The following RASGRF1 variants were observed in gnomAD, a reference collection of about 807,000 sequenced individuals.
The protein encoded by RASGRF1 is ras-specific guanine nucleotide-releasing factor 1.
A neutral mutation model predicts 138.7 loss-of-function variants in RASGRF1; 40 were observed. The ratio of observed to expected loss-of-function variants is 0.29; its 90% confidence interval spans 0.22 to 0.38. RASGRF1 has a LOEUF of 0.38. Among genes scored for constraint, RASGRF1 ranks in the 10% least tolerant of loss-of-function variants. The probability of loss-of-function intolerance (pLI) is 1.00; values close to 1 mark genes in which losing one functional copy is unlikely to be tolerated. For synonymous variants in RASGRF1, 614 were observed against 663.2 expected, an observed-to-expected ratio of 0.93 and a Z score of 1.14; for missense variants, 1,108 against 1,650.4, an observed-to-expected ratio of 0.67 and a Z score of 5.69.
intron 20 of RASGRF1, among the ~76,000 whole-genome samples, chr15:78,994,475 G>A (rs2056347621): frequency 6.6e-6 from 1 of 152,230 alleles, no homozygotes; most frequent in South Asian, 2.1e-4. Flanking sequence ...CCAGCAAGGG[G>A]CTGAGCCAGC....
chr15:79,000,987 G>T (rs773082055), intron 16 of RASGRF1, among the ~76,000 whole-genome samples: 69 of 152,182 alleles, frequency 4.5e-4, no homozygotes, highest in Non-Finnish European at 8.8e-4. Flanking sequence ...CCTGGGAGGT[G>T]GGTCCCCTGG....
chr15:79,012,319 A>G (rs1173044811), intron 13 of RASGRF1, among the ~76,000 whole-genome samples: 1 of 152,180 alleles, frequency 6.6e-6, no homozygotes, highest in Non-Finnish European at 1.5e-5. Context: ...GTCCCATTCC[A>G]TAAGAAACCA....
chr15:79,016,247 G>A (rs761927517), intron 12 of RASGRF1, among the ~76,000 whole-genome samples: 1 of 152,212 alleles, frequency 6.6e-6, no homozygotes, highest in Admixed American at 6.5e-5. Context: ...GGGTGTCAAA[G>A]TCATTGGGAA....
intron 17 of RASGRF1, among the ~76,000 whole-genome samples, chr15:78,999,305 C>T (rs560135049): frequency 5.3e-5 from 8 of 152,092 alleles, no homozygotes; most frequent in Non-Finnish European, 8.8e-5. Context: ...AGGGTCAGCA[C>T]TAGCAAAGGC....
At position 79,027,234 on chromosome 15, in the gene RASGRF1, G is replaced by C. The variant is rs2057071914; in HGVS notation, c.1381+507C>G. On this transcript the variant is annotated intron_variant, in intron 9 of 26. Coordinates refer to ENST00000558480, the MANE Select transcript of RASGRF1 (RefSeq NM_001145648.3). The surrounding 1 kb of genome is among the most constrained non-coding windows in gnomAD (Gnocchi z 4.8). ...CGTGCCTCTCAAACACTGCTCCCAA[G>C]GTAAGCGAGGCTGAAGCTTGGGAAA... Among the ~76,000 whole-genome samples, 1 of 152,136 alleles carries C rather than the reference G, an allele frequency of 6.6e-6. No homozygotes were observed. Among genetic ancestry groups the C allele is most frequent in the African/African-American group, 2.4e-5 (1 of 41,422 alleles).
chr15:78,999,149 G>GT (rs1302966668), intron 17 of RASGRF1, among the ~76,000 whole-genome samples: 2 of 152,160 alleles, frequency 1.3e-5, no homozygotes, highest in Non-Finnish European at 2.9e-5. Context: ...CCCTATTCCA[G>GT]TCTCTGCTGC....
chr15:79,025,311 T>G lies in RASGRF1; in HGVS notation c.1542+3A>C. 1 of 1,606,182 alleles carries G rather than the reference T, an allele frequency of 6.2e-7. No homozygotes were observed. The highest frequency in any genetic ancestry group is 8.5e-7 in the Non-Finnish European group (1 of 1,174,408). ...CCCCAAGCCCCTCTCCCGTAGCCCT[T>G]ACCTTGGTCAAGTGAAGCTTCCCTC... On this transcript the variant is annotated splice_donor_region_variant and intron_variant, in intron 10 of 26. Transcript: ENST00000558480.
Position 79,006,188 on chromosome 15 carries a change from G to A in RASGRF1, c.2073C>T (p.Ala691=), listed in dbSNP as rs2056670186. 1 of 1,614,172 alleles carries A rather than the reference G, an allele frequency of 6.2e-7. No homozygotes were observed. Among genetic ancestry groups the A allele is most frequent in the Admixed American group, 1.7e-5 (1 of 60,026 alleles). The change falls in exon 14 of 27, where the codon GCC becomes GCT. Residue 691 remains alanine (A), a splice_region_variant and synonymous_variant. Coordinates refer to ENST00000558480, the MANE Select transcript of RASGRF1 (RefSeq NM_001145648.3). The surrounding 1 kb of genome is among the most constrained non-coding windows in gnomAD (Gnocchi z 4.0). The part of the protein sequence containing the change: ...IYKKPISAIP[A]RSLELLFASG... The stretch of plus-strand genomic sequence containing the variant: ...GAGGAGGAGGGCACCTCAGCCACCT[G>A]GCAGGAATGGCACTGATAGGCTTCT...
chr15:78,976,559 AACACAC>A (rs58602180), intron 24 of RASGRF1, among the ~76,000 whole-genome samples: 1 of 148,660 alleles, frequency 6.7e-6, no homozygotes, highest in Non-Finnish European at 1.5e-5. Context: ...CACTCAATCA[AACACAC>A]ACACACACAC....
At chr15:79,042,625 G>GCCTTAC (rs1490228089) in intron 5 of RASGRF1, among the ~76,000 whole-genome samples, 1 of 152,214 alleles carries the variant, frequency 6.6e-6, no homozygotes. Context: ...GGAAGCTGGG[G>GCCTTAC]CCTTACCATG....
At chr15:79,056,236 G>A (rs1267580603) in intron 3 of RASGRF1, among the ~76,000 whole-genome samples, 2 of 152,196 alleles carry the variant, frequency 1.3e-5, no homozygotes, top group Non-Finnish European at 2.9e-5. Flanking sequence ...AAAAGGATGA[G>A]GTCAGTGGTA....
chr15:79,035,256 C>A, intron 5 of RASGRF1, 46 bp from the exon 6 acceptor site: 1 of 1,517,128 alleles, frequency 6.6e-7, no homozygotes. Flanking sequence ...GGACTTCCTG[C>A]TGCTCCAGAG....
intron 24 of RASGRF1, 22 bp downstream of exon 24, chr15:78,980,598 C>T (rs373521737): frequency 1.3e-5 from 20 of 1,561,968 alleles, no homozygotes; most frequent in Middle Eastern, 1.7e-4. Context: ...AAAATAACAG[C>T]GACAAAACGA....
In RASGRF1 at chr15:79,006,535, A is replaced by T; in HGVS notation, c.1827-101T>A. The T allele has an allele frequency of 7.2e-7, 1 of 1,392,978 alleles. No individual in the cohort carries two copies. Among genetic ancestry groups the T allele is most frequent in the Non-Finnish European group, 9.8e-7 (1 of 1,025,628 alleles). 86.3% of individuals were successfully genotyped at this position (1,392,978 alleles called of 1,614,324 possible). ...ACTGCTTCCCCCACACACTGACAAC[A>T]CAGGATGGTCTTATTAAGAGAACAA... On this transcript the variant is annotated intron_variant, in intron 13 of 26. Coordinates refer to ENST00000558480, the MANE Select transcript of RASGRF1 (RefSeq NM_001145648.3). The surrounding 1 kb of genome is among the most constrained non-coding windows in gnomAD (Gnocchi z 4.0).
At chr15:78,991,616 C>T (rs28587174) in intron 21 of RASGRF1, 75 bp downstream of exon 21, 19,632 of 1,177,096 alleles carry the variant, frequency 0.017, 212 homozygotes, top group Non-Finnish European at 0.02. Flanking sequence ...AAATTCACTG[C>T]GTGTGCTTCC....
At chr15:78,998,664 T>C in intron 18 of RASGRF1, 55 bp downstream of exon 18, 1 of 1,446,702 alleles carries the variant, frequency 6.9e-7, no homozygotes, top group African/African-American at 1.4e-5. Flanking sequence ...AGCTGGTTCC[T>C]GGGGCCATTG....
At chr15:79,085,073 G>T (rs1320458733) in intron 1 of RASGRF1, among the ~76,000 whole-genome samples, 2 of 152,190 alleles carry the variant, frequency 1.3e-5, no homozygotes, top group East Asian at 3.8e-4. Context: ...TTACATTCCA[G>T]TGGGGAGAAG....
intron 11 of RASGRF1, among the ~76,000 whole-genome samples, chr15:79,018,167 C>A (rs574404408): frequency 6.6e-6 from 1 of 152,370 alleles, no homozygotes; most frequent in African/African-American, 2.4e-5. Context: ...TCACAGTCTG[C>A]CCTCTGCCCT....
chr15:79,055,883 G>A (rs1400858689), intron 3 of RASGRF1, among the ~76,000 whole-genome samples: 1 of 152,164 alleles, frequency 6.6e-6, no homozygotes, highest in Non-Finnish European at 1.5e-5. Flanking sequence ...CACTCATCAA[G>A]CCCTTGCTGA....
Sources: allele counts gnomAD v4.1 joint callset (sites outside exome capture counted in the v4.1 genomes callset), GRCh38; gene constraint gnomAD v4.1.1; non-coding constraint Gnocchi (gnomAD v3.1); transcripts MANE v1.5; gene names NCBI Gene and HGNC (gene_info 2026-07-23, HGNC 2026-07-21).